The following ARMH3 variants were observed in gnomAD, a reference collection of about 807,000 sequenced individuals.
ARMH3 encodes armadillo-like helical domain-containing protein 3.
Under a neutral mutation model 99.1 loss-of-function variants are expected in ARMH3, and 60 were observed. The observed-to-expected ratio is 0.61, with a 90% CI of 0.49 to 0.75. The LOEUF (loss-of-function observed/expected upper bound fraction) is 0.75. ARMH3 is among the 30% of genes least tolerant of loss of function. The pLI is 0.00. For missense variants in ARMH3, 679 were observed against 843.1 expected (o/e 0.81, Z 2.41); for synonymous variants, 285 against 292.8 (o/e 0.97, Z 0.27).
At chr10:101,961,504 G>A (rs778714412) in intron 20 of ARMH3, among the ~76,000 whole-genome samples, 5 of 152,094 alleles carry the variant, frequency 3.3e-5, no homozygotes, top group African/African-American at 4.8e-5. Context: ...TAATAACCAG[G>A]TTTATTTATA....
chr10:101,953,542 C>CTTT (rs35546669), intron 22 of ARMH3, among the ~76,000 whole-genome samples: 1 of 117,910 alleles, frequency 8.5e-6, no homozygotes, highest in Non-Finnish European at 1.8e-5. Context: ...CGTGCCCAGC[C>CTTT]TTTTTTTTTT....
At position 101,872,250 on chromosome 10, in the gene ARMH3, CGT is replaced by C. The variant is rs35739666; in HGVS notation, c.1860+17160_1860+17161del. Among the ~76,000 whole-genome samples the C allele has an allele frequency of 9.8e-3, 1,427 of 145,858 alleles. 14 individuals carry two copies. Among genetic ancestry groups the C allele is most frequent in the African/African-American group, 0.029 (1,165 of 39,872 alleles). On this transcript the variant is annotated intron_variant, in intron 24 of 25. Coordinates refer to ENST00000370033, the MANE Select transcript of ARMH3 (RefSeq NM_024541.3). ...GTGTGTGTGTGTGTCTGTGTAACAA[CGT>C]GTGTGTGTGTGTGTGTGTGTGTAAC...
At chr10:101,851,109 C>T (rs1186028679) in intron 24 of ARMH3, among the ~76,000 whole-genome samples, 1 of 152,202 alleles carries the variant, frequency 6.6e-6, no homozygotes, top group African/African-American at 2.4e-5. Context: ...GGTACGCTTT[C>T]AAGACTAAGC....
intron 22 of ARMH3, among the ~76,000 whole-genome samples, chr10:101,954,538 G>C (rs1278424060): frequency 6.6e-6 from 1 of 152,102 alleles, no homozygotes; most frequent in Admixed American, 6.5e-5. Context: ...AGACAAAGGA[G>C]GTGACCTCAT....
intron 23 of ARMH3, among the ~76,000 whole-genome samples, chr10:101,900,211 G>C (rs2067941506): frequency 6.6e-6 from 1 of 152,140 alleles, no homozygotes; most frequent in Non-Finnish European, 1.5e-5. Flanking sequence ...GAAGTTACTG[G>C]CAGAGTTCCT....
chr10:101,865,108 C>A (rs536930928), intron 24 of ARMH3, among the ~76,000 whole-genome samples: 1 of 151,132 alleles, frequency 6.6e-6, no homozygotes, highest in African/African-American at 2.4e-5. Flanking sequence ...CCCAGCTACT[C>A]GAGAGACTGA....
At chr10:102,000,338 A>T (rs1042824002) in intron 15 of ARMH3, among the ~76,000 whole-genome samples, 1 of 152,156 alleles carries the variant, frequency 6.6e-6, no homozygotes, top group Non-Finnish European at 1.5e-5. Context: ...TATTCCACTT[A>T]TATCAGGTTC....
At chr10:101,908,288 T>A (rs1842718512) in intron 23 of ARMH3, among the ~76,000 whole-genome samples, 1 of 152,222 alleles carries the variant, frequency 6.6e-6, no homozygotes, top group Non-Finnish European at 1.5e-5. Flanking sequence ...TCAATCTAGT[T>A]GATGTCAATG....
intron 23 of ARMH3, among the ~76,000 whole-genome samples, chr10:101,925,253 T>C (rs1472362627): frequency 1.3e-5 from 2 of 152,186 alleles, no homozygotes; most frequent in Non-Finnish European, 2.9e-5. Context: ...ATAAATAGTC[T>C]CCTTGTAATC....
chr10:101,868,091 A>G (rs1372796119), intron 24 of ARMH3, among the ~76,000 whole-genome samples: 5 of 152,334 alleles, frequency 3.3e-5, no homozygotes, highest in Admixed American at 1.3e-4. Flanking sequence ...AGGATTTACT[A>G]CAGAGTCAAA....
rs189259469 is a variant in ARMH3, at chr10:101,955,905, A to G, written c.1705+692T>C. On this transcript the variant is annotated intron_variant, in intron 22 of 25. Coordinates refer to ENST00000370033, the MANE Select transcript of ARMH3 (RefSeq NM_024541.3). ...TGTATAATTAAAATGTGTGCAGTTT[A>G]TATGTCAATTATACTTCAATAAAGC... Among the ~76,000 whole-genome samples the G allele has an allele frequency of 5.3e-5, 8 of 152,334 alleles. No individual in the cohort carries two copies. The East Asian group carries it at 1.5e-3, about 29-fold the overall frequency.
chr10:101,992,077 A>G, intron 17 of ARMH3, 39 bp from the exon 18 acceptor site: 1 of 1,518,862 alleles, frequency 6.6e-7, no homozygotes, highest in Non-Finnish European at 9.1e-7. Context: ...ATTAGTAGAC[A>G]CCGGCACTGA....
At chr10:101,945,170 G>A (rs1303494698) in intron 22 of ARMH3, among the ~76,000 whole-genome samples, 1 of 152,136 alleles carries the variant, frequency 6.6e-6, no homozygotes, top group African/African-American at 2.4e-5. Flanking sequence ...CAGTTTCCAG[G>A]TTTTATTTTT....
intron 24 of ARMH3, among the ~76,000 whole-genome samples, chr10:101,862,364 G>A (rs979416097): frequency 1.4e-4 from 22 of 152,174 alleles, no homozygotes; most frequent in African/African-American, 5.3e-4. Flanking sequence ...ATCACTTGAG[G>A]TCAGAAGTTC....
At chr10:101,861,829 A>C (rs2066878101) in intron 24 of ARMH3, among the ~76,000 whole-genome samples, 1 of 148,544 alleles carries the variant, frequency 6.7e-6, no homozygotes, top group East Asian at 2.0e-4. Flanking sequence ...TCAGGAGATC[A>C]AGACCATCCT....
At chr10:102,037,641 T>C (rs748809662) in intron 2 of ARMH3, among the ~76,000 whole-genome samples, 1 of 152,142 alleles carries the variant, frequency 6.6e-6, no homozygotes, top group Non-Finnish European at 1.5e-5. Flanking sequence ...GGTGCAATTA[T>C]AGCTAGCTGC....
At chr10:102,021,168 CT>C (rs1368459643) in intron 8 of ARMH3, among the ~76,000 whole-genome samples, 1 of 152,108 alleles carries the variant, frequency 6.6e-6, no homozygotes, top group East Asian at 1.9e-4. Context: ...CCTCCACCTC[CT>C]GGGCTCAAGC....
chr10:101,981,703 T>C (rs768125718), intron 19 of ARMH3, among the ~76,000 whole-genome samples: 1 of 151,288 alleles, frequency 6.6e-6, no homozygotes, highest in Non-Finnish European at 1.5e-5. Flanking sequence ...GTAAAAACTA[T>C]TTAAACAGTA....
chr10:101,949,296 G>T (rs1230189409), intron 22 of ARMH3, among the ~76,000 whole-genome samples: 1 of 151,364 alleles, frequency 6.6e-6, no homozygotes, highest in Non-Finnish European at 1.5e-5. Flanking sequence ...CCAAAAGCTG[G>T]TTCTCTGAGG....
Sources: gnomAD v4.1 joint callset for allele counts (sites outside exome capture counted in the v4.1 genomes callset) on GRCh38, gnomAD v4.1.1 for gene constraint, MANE v1.5 for transcripts, NCBI Gene and HGNC (gene_info 2026-07-23, HGNC 2026-07-21) for gene names.